The following FRMD4A variants were observed in gnomAD, a reference collection of about 807,000 sequenced individuals.
FRMD4A encodes FERM domain-containing protein 4A.
A neutral mutation model predicts 129.1 loss-of-function variants in FRMD4A; 29 were observed. That is an observed-to-expected ratio of 0.22 (90% CI 0.17 to 0.31). The LOEUF (loss-of-function observed/expected upper bound fraction) is 0.31, where lower values mean the gene tolerates loss of function less well. Among genes scored for constraint, FRMD4A ranks in the 10% least tolerant of loss-of-function variants. FRMD4A has a pLI of 1.00. For missense variants in FRMD4A, 1,272 were observed against 1,375.8 expected (o/e 0.92, Z 1.19); for synonymous variants, 634 against 571.6 (o/e 1.11, Z -1.56).
intron 5 of FRMD4A, among the ~76,000 whole-genome samples, chr10:13,792,649 T>C (rs191538095): frequency 1.3e-5 from 2 of 152,342 alleles, no homozygotes; most frequent in African/African-American, 4.8e-5. Context: ...GCCTTAGCAA[T>C]GGACAGGTGC....
intron 15 of FRMD4A, chr10:13,693,663 G>C (rs888721590): frequency 1.5e-6 from 1 of 645,946 alleles, no homozygotes; most frequent in Non-Finnish European, 2.7e-6. Context: ...AGGCCTTCTT[G>C]CACTGCGTGG....
intron 2 of FRMD4A, among the ~76,000 whole-genome samples, chr10:14,092,001 T>G (rs1185691798): frequency 1.3e-5 from 2 of 152,204 alleles, no homozygotes; most frequent in Non-Finnish European, 2.9e-5. Context: ...GATTGTGTCT[T>G]CTTAGCAAGG....
chr10:14,182,591 G>A (rs1841949152), intron 2 of FRMD4A, among the ~76,000 whole-genome samples: 1 of 152,062 alleles, frequency 6.6e-6, no homozygotes, highest in Non-Finnish European at 1.5e-5. Context: ...ATCCTTCATG[G>A]TAGGGGTGTG....
At chr10:14,263,760 A>G (rs1242078782) in intron 2 of FRMD4A, among the ~76,000 whole-genome samples, 2 of 152,160 alleles carry the variant, frequency 1.3e-5, no homozygotes, top group Non-Finnish European at 2.9e-5. Flanking sequence ...TCGCCAGAAG[A>G]TAACTATCAG....
intron 11 of FRMD4A, 75 bp downstream of exon 11, chr10:13,740,119 A>G (rs2090899095): frequency 1.1e-6 from 1 of 874,938 alleles, no homozygotes. Context: ...GAAAAAGAAG[A>G]AAACATATAA....
intron 2 of FRMD4A, among the ~76,000 whole-genome samples, chr10:13,924,061 C>A (rs1248818011): frequency 6.6e-6 from 1 of 152,212 alleles, no homozygotes; most frequent in Non-Finnish European, 1.5e-5. Flanking sequence ...TTCAGCTGCG[C>A]ATCTAAAGTT....
At chr10:14,064,690 G>A (rs1472718066) in intron 2 of FRMD4A, among the ~76,000 whole-genome samples, 2 of 152,150 alleles carry the variant, frequency 1.3e-5, no homozygotes, top group East Asian at 3.9e-4. Context: ...TGATTCTCCT[G>A]CCTCAGCCTC....
chr10:13,799,506 G>A (rs532189499), intron 4 of FRMD4A, among the ~76,000 whole-genome samples: 2 of 152,308 alleles, frequency 1.3e-5, no homozygotes, highest in South Asian at 4.1e-4. Context: ...TACCTCATGA[G>A]GAGAAAGTGT....
At chr10:14,299,163 G>T (rs1846103830) in intron 2 of FRMD4A, among the ~76,000 whole-genome samples, 1 of 152,194 alleles carries the variant, frequency 6.6e-6, no homozygotes. Context: ...AAGGTGACAA[G>T]ATTCCTGAGC....
chr10:14,185,546 A>T (rs571667378), intron 2 of FRMD4A, among the ~76,000 whole-genome samples: 2 of 152,240 alleles, frequency 1.3e-5, no homozygotes, highest in Admixed American at 1.3e-4. Flanking sequence ...AACTTGAAAC[A>T]TAAAGCAAGA....
chr10:14,230,367 A>G (rs1207384718), intron 2 of FRMD4A, among the ~76,000 whole-genome samples: 1 of 152,240 alleles, frequency 6.6e-6, no homozygotes, highest in Non-Finnish European at 1.5e-5. Flanking sequence ...TGTCCTGTGC[A>G]AATTTCTTTA....
At chr10:13,682,249 G>T (rs567598939) in intron 15 of FRMD4A, among the ~76,000 whole-genome samples, 1 of 152,136 alleles carries the variant, frequency 6.6e-6, no homozygotes, top group South Asian at 2.1e-4. Flanking sequence ...ACTATTCCTA[G>T]CCTTTACTAG....
intron 15 of FRMD4A, chr10:13,685,208 T>C (rs1456082233): frequency 1.0e-6 from 1 of 984,528 alleles, no homozygotes; most frequent in African/African-American, 1.7e-5. Flanking sequence ...AGAAATAAAA[T>C]AGTTCATTTC....
intron 2 of FRMD4A, among the ~76,000 whole-genome samples, chr10:14,076,602 T>C (rs1463550231): frequency 1.3e-5 from 2 of 151,334 alleles, no homozygotes; most frequent in African/African-American, 2.4e-5. Flanking sequence ...ATCACGCCAC[T>C]GCACTCCAGC....
At chr10:13,662,738 C>A (rs1267193950) in intron 19 of FRMD4A, among the ~76,000 whole-genome samples, 1 of 152,192 alleles carries the variant, frequency 6.6e-6, no homozygotes, top group African/African-American at 2.4e-5. Context: ...CTTACTTTCA[C>A]TACTGTCTTG....
At position 13,923,710 on chromosome 10, in the gene FRMD4A, C is replaced by T. The variant is rs1036034478; in HGVS notation, c.46-64798G>A. ...CCTGGACTATTGTAAAGGTAGGCCA[C>T]GTTTATCTTATACATAAGCAGTTGA... On this transcript the variant is annotated intron_variant, in intron 2 of 24. Coordinates refer to ENST00000357447, the MANE Select transcript of FRMD4A (RefSeq NM_018027.5). 5.3e-5 allele frequency among the ~76,000 whole-genome samples: 8 copies of T among 152,108 alleles called. No individual in the cohort carries two copies. The East Asian group carries it at 9.6e-4, about 18-fold the overall frequency.
chr10:13,814,965 G>T (rs2093518025), intron 3 of FRMD4A, among the ~76,000 whole-genome samples: 1 of 152,108 alleles, frequency 6.6e-6, no homozygotes, highest in Admixed American at 6.6e-5. Flanking sequence ...GGGTGGTAAG[G>T]CCTTTTATGT....
At chr10:14,285,756 C>T (rs2132067366) in intron 2 of FRMD4A, among the ~76,000 whole-genome samples, 1 of 152,338 alleles carries the variant, frequency 6.6e-6, no homozygotes, top group East Asian at 1.9e-4. Context: ...TGACTTCCTT[C>T]CCCTTTCACT....
chr10:13,991,729 G>A (rs7903719), intron 2 of FRMD4A: 40,544 of 152,568 alleles, frequency 0.27, 6,165 homozygotes, highest in East Asian at 0.6. Flanking sequence ...AATGGGCTAC[G>A]TTTCCATTGT....
Sources: allele counts gnomAD v4.1 joint callset (sites outside exome capture counted in the v4.1 genomes callset), GRCh38; gene constraint gnomAD v4.1.1; transcripts MANE v1.5; gene names NCBI Gene and HGNC (gene_info 2026-07-23, HGNC 2026-07-21).